FAT4: variants seen among roughly 807,000 people sequenced by gnomAD.
FAT4 encodes the protein protocadherin Fat 4.
FAT4 carries 84 observed loss-of-function variants against 303.9 expected under a neutral mutation model. The observed-to-expected ratio is 0.28, with a 90% CI of 0.23 to 0.33. The LOEUF (loss-of-function observed/expected upper bound fraction) is 0.33, where lower values mean the gene tolerates loss of function less well. FAT4 is among the 10% of genes least tolerant of loss of function. The pLI is 1.00. For missense variants in FAT4, 6,005 were observed against 6,146.8 expected (o/e 0.98, Z 0.77); for synonymous variants, 2,307 against 2,298.8 (o/e 1.00, Z -0.10).
At position 125,452,827 on chromosome 4, in the gene FAT4, AC is replaced by A. The variant is rs1726146050; in HGVS notation, c.11800+18del. The A allele has an allele frequency of 6.3e-7, 1 of 1,577,112 alleles. No homozygotes were observed. On this transcript the variant is annotated intron_variant, in intron 10 of 17. Coordinates refer to ENST00000394329, the MANE Select transcript of FAT4 (RefSeq NM_001291303.3). ...GATACACAGGTATGACAACGTTTGT[AC>A]TTTTCTCACTAAGACTTTAGCCATG...
Position 125,429,443 on chromosome 4 carries a change from G to A in FAT4, c.7019-4802G>A, listed in dbSNP as rs533240514. Among the ~76,000 whole-genome samples the A allele has an allele frequency of 7.2e-5, 11 of 152,256 alleles. No individual in the cohort carries two copies. The East Asian group carries it at 1.9e-3, about 27-fold the overall frequency. ...TATAATAATATAGAGCAAAACATCT[G>A]CAATAAGAGTGGCAGAGTTTTATCT... On this transcript the variant is annotated intron_variant, in intron 7 of 17. Transcript: ENST00000394329.
chr4:125,482,643 A>G (rs1727268755), intron 16 of FAT4, among the ~76,000 whole-genome samples: 2 of 152,266 alleles, frequency 1.3e-5, no homozygotes, highest in South Asian at 4.1e-4. Flanking sequence ...TTCCTGAATT[A>G]TTTTCATCTA....
chr4:125,446,013 A>G (rs1331216217), intron 8 of FAT4: 1 of 246,904 alleles, frequency 4.1e-6, no homozygotes, highest in East Asian at 8.0e-5. Context: ...TTAAAGCCTT[A>G]GGGGTTTGTT....
chr4:125,394,341 T>C (rs1334586806), intron 2 of FAT4, among the ~76,000 whole-genome samples: 1 of 152,196 alleles, frequency 6.6e-6, no homozygotes. Flanking sequence ...TTTATTTGAA[T>C]GCAATTTTAC....
At chr4:125,455,354 A>G (rs1450813763) in intron 10 of FAT4, among the ~76,000 whole-genome samples, 1 of 152,178 alleles carries the variant, frequency 6.6e-6, no homozygotes, top group East Asian at 1.9e-4. Flanking sequence ...GTTTCATTTC[A>G]TTTAAATATA....
In FAT4 at chr4:125,491,782, G is replaced by A; in HGVS notation, c.*14G>A. 1 of 1,576,454 alleles carries A rather than the reference G, an allele frequency of 6.3e-7. No individual in the cohort carries two copies. The highest frequency in any genetic ancestry group is 8.6e-7 in the Non-Finnish European group (1 of 1,164,508). ...CAGTATGTGTGAAGTTTATGTACTGGCACTATAAAATATAAAAACAAGAAA... is the reference window on the plus strand; with the variant it reads ...CAGTATGTGTGAAGTTTATGTACTGACACTATAAAATATAAAAACAAGAAA... On this transcript the variant is annotated 3_prime_UTR_variant, in exon 18 of 18. Coordinates refer to ENST00000394329, the MANE Select transcript of FAT4 (RefSeq NM_001291303.3).
chr4:125,423,241 A>G (rs1724968353), intron 7 of FAT4, among the ~76,000 whole-genome samples: 2 of 150,022 alleles, frequency 1.3e-5, no homozygotes, highest in South Asian at 2.1e-4. Flanking sequence ...AATGTCTCCA[A>G]GGCATGTCAG....
intron 6 of FAT4, among the ~76,000 whole-genome samples, 197 bp from the exon 7 acceptor site, chr4:125,416,251 T>A (rs1735057843): frequency 6.6e-6 from 1 of 152,226 alleles, no homozygotes; most frequent in Non-Finnish European, 1.5e-5. Flanking sequence ...TGCATTAGCT[T>A]TACACATATT....
At chr4:125,470,896 A>G (rs1215861625) in intron 12 of FAT4, among the ~76,000 whole-genome samples, 2 of 152,206 alleles carry the variant, frequency 1.3e-5, no homozygotes, top group African/African-American at 2.4e-5. Context: ...CAAGAAGCCT[A>G]TTTGGCCTAT....
Position 125,481,624 on chromosome 4 carries a change from A to G in FAT4, c.12708A>G (p.Arg4236=). 6.2e-7 allele frequency: 1 copy of G among 1,614,080 alleles called. No individual in the cohort carries two copies. ...AATATTTGTTAAGGCAAAGCTTACG[A>G]GGTGCCATGTTGGAGCCTTTTGGTG... The part of the protein sequence containing the change: ...KREYLLRQSL[R]GAMLEPFGVN... The change falls in exon 16 of 18, where the codon CGA becomes CGG. Residue 4236 remains arginine, a synonymous_variant. Coordinates refer to ENST00000394329, the MANE Select transcript of FAT4 (RefSeq NM_001291303.3).
At chr4:125,456,134 G>A (rs1229931409) in intron 10 of FAT4, among the ~76,000 whole-genome samples, 5 of 152,182 alleles carry the variant, frequency 3.3e-5, no homozygotes, top group African/African-American at 9.7e-5. Flanking sequence ...TCTGGAAAAG[G>A]TAGTTTTCAG....
In FAT4 at chr4:125,317,323, T is replaced by A. The variant is rs777511735; in HGVS notation, c.912T>A (p.Leu304=). The change falls in exon 2 of 18, where the codon CTT becomes CTA. Residue 304 remains leucine, a synonymous_variant. Coordinates refer to ENST00000394329, the MANE Select transcript of FAT4 (RefSeq NM_001291303.3). The surrounding 1 kb of genome is among the most constrained non-coding windows in gnomAD (Gnocchi z 7.0). The part of the protein sequence containing the change: ...TPFQMDPETG[L]ITVREPLDFE... ...TCCAAATGGACCCTGAGACGGGACT[T>A]ATCACGGTGCGGGAGCCCCTGGACT... 2 of 1,609,270 alleles carry A rather than the reference T, an allele frequency of 1.2e-6. No individual in the cohort carries two copies. Among genetic ancestry groups the A allele is most frequent in the Non-Finnish European group, 8.5e-7 (1 of 1,176,920 alleles).
intron 2 of FAT4, among the ~76,000 whole-genome samples, chr4:125,321,835 T>C (rs1410870201): frequency 6.6e-6 from 1 of 152,144 alleles, no homozygotes; most frequent in Non-Finnish European, 1.5e-5. Flanking sequence ...ATATATAAGG[T>C]TAAGGAGAAA....
intron 2 of FAT4, among the ~76,000 whole-genome samples, chr4:125,332,248 A>C (rs1041380253): frequency 6.6e-6 from 1 of 151,620 alleles, no homozygotes; most frequent in Admixed American, 6.6e-5. Context: ...GAAAAGACAC[A>C]AGGAATTTCA....
Position 125,449,198 on chromosome 4 carries a change from G to A in FAT4, c.8188G>A (p.Val2730Ile), listed in dbSNP as rs369228145. ...INHATGEIRS[V>I]RPLDREKVSH... ...TCATGCTACTGGTGAAATTAGAAGC[G>A]TTAGACCTTTGGACAGGGAAAAAGT... The change falls in exon 10 of 18, where the codon GTT (valine) becomes ATT (isoleucine). Residue 2730 changes from valine (V) to isoleucine (I), a missense_variant. Transcript: ENST00000394329. 3.9e-5 allele frequency: 63 copies of A among 1,613,768 alleles called. No homozygotes were observed. Among genetic ancestry groups the A allele is most frequent in the African/African-American group, 6.7e-5 (5 of 74,896 alleles).
chr4:125,470,706 A>T (rs28872781), intron 12 of FAT4, among the ~76,000 whole-genome samples: 7,381 of 152,236 alleles, frequency 0.048, 203 homozygotes, highest in East Asian at 0.063. Flanking sequence ...TCTAGATTAG[A>T]TGTTGGCTTA....
chr4:125,458,563 T>C (rs1436362403), intron 10 of FAT4, among the ~76,000 whole-genome samples: 1 of 151,964 alleles, frequency 6.6e-6, no homozygotes, highest in African/African-American at 2.4e-5. Context: ...TTTTATTTAA[T>C]TTGATTCCTG....
Position 125,415,704 on chromosome 4 carries a change from T to A in FAT4, c.6741T>A (p.Ile2247=). The change falls in exon 6 of 18, where the codon ATT becomes ATA. Residue 2247 remains isoleucine, a synonymous_variant. Transcript: ENST00000394329. ...TPRTDTSTVS[I]VLLDINDFVP... is the part of the protein sequence containing the mutation. ...GAACTGATACCTCCACGGTCAGCAT[T>A]GTTCTACTGGATATTAATGACTTTG... The A allele has an allele frequency of 6.2e-7, 1 of 1,614,022 alleles. No homozygotes were observed. Among genetic ancestry groups the A allele is most frequent in the Non-Finnish European group, 8.5e-7 (1 of 1,179,942 alleles).
intron 2 of FAT4, among the ~76,000 whole-genome samples, chr4:125,375,372 A>C (rs569121617): frequency 6.6e-6 from 1 of 152,226 alleles, no homozygotes; most frequent in Non-Finnish European, 1.5e-5. Context: ...ATACAAAGTA[A>C]AAGGCAAAAA....
Sources: allele counts gnomAD v4.1 joint callset (sites outside exome capture counted in the v4.1 genomes callset), GRCh38; gene constraint gnomAD v4.1.1; non-coding constraint Gnocchi (gnomAD v3.1); transcripts MANE v1.5; gene names NCBI Gene and HGNC (gene_info 2026-07-23, HGNC 2026-07-21).